GALNT13: variants seen among roughly 807,000 people sequenced by gnomAD.
The protein encoded by GALNT13 is polypeptide N-acetylgalactosaminyltransferase 13, also known as UDP-GalNAc:polypeptide N-acetylgalactosaminyltransferase 13.
In GALNT13, 28 loss-of-function variants were observed where a neutral mutation model predicts 64.2. The observed-to-expected ratio is 0.44, with a 90% confidence interval of 0.32 to 0.60. The LOEUF is 0.60. Ranked by LOEUF, GALNT13 falls within the 20% of genes least tolerant of loss-of-function variation. GALNT13 has a pLI of 0.05. For missense variants in GALNT13, 577 were observed against 669.8 expected (o/e 0.86, Z 1.53); for synonymous variants, 214 against 224.6 (o/e 0.95, Z 0.42).
At chr2:154,384,786 A>G (rs987526954) in intron 9 of GALNT13, among the ~76,000 whole-genome samples, 1 of 151,934 alleles carries the variant, frequency 6.6e-6, no homozygotes, top group African/African-American at 2.4e-5. Context: ...TCTTAAAATC[A>G]TGATTCAGTA....
At position 153,944,474 on chromosome 2, in the gene GALNT13, G is replaced by A. The variant is rs1469053760; in HGVS notation, c.-24G>A. On this transcript the variant is annotated 5_prime_UTR_variant, in exon 3 of 13. Transcript: ENST00000392825. The stretch of plus-strand genomic sequence containing the variant: ...AGTAGCATTTGTCTTCAATCTGTGT[G>A]TTAACTAGAAATCAAGGAAAGACAT... 4 of 1,608,150 alleles carry A rather than the reference G, an allele frequency of 2.5e-6. No homozygotes were observed. The South Asian group carries it at 3.3e-5, about 13-fold the overall frequency.
chr2:154,136,447 A>G (rs1237428179), intron 3 of GALNT13, among the ~76,000 whole-genome samples: 1 of 151,992 alleles, frequency 6.6e-6, no homozygotes, highest in Non-Finnish European at 1.5e-5. Context: ...CTCTTTTTTC[A>G]AAGAGACACT....
chr2:153,624,076 T>G, the GALNT13 span, among the ~76,000 whole-genome samples: 7 of 151,618 alleles, frequency 4.6e-5, no homozygotes, highest in African/African-American at 1.7e-4. Flanking sequence ...AGGGAGTTGG[T>G]TATGAGAGTG....
At chr2:154,018,434 G>A (rs954899398) in intron 3 of GALNT13, among the ~76,000 whole-genome samples, 1 of 152,166 alleles carries the variant, frequency 6.6e-6, no homozygotes, top group African/African-American at 2.4e-5. Flanking sequence ...ATAGATATCA[G>A]TCTCTGCGGT....
chr2:154,090,111 A>G (rs1012172882), intron 3 of GALNT13, among the ~76,000 whole-genome samples: 1 of 152,128 alleles, frequency 6.6e-6, no homozygotes, highest in African/African-American at 2.4e-5. Flanking sequence ...ATGTGAGTAC[A>G]TAATATCATT....
At chr2:153,451,473 C>G in the GALNT13 span, among the ~76,000 whole-genome samples, 1 of 152,122 alleles carries the variant, frequency 6.6e-6, no homozygotes. Flanking sequence ...TACTGCTCTC[C>G]CCCAAGTGCA....
chr2:153,797,202 A>G, the GALNT13 span, among the ~76,000 whole-genome samples: 2 of 152,212 alleles, frequency 1.3e-5, no homozygotes, highest in Non-Finnish European at 2.9e-5. Flanking sequence ...TGTGTCATGG[A>G]CAGAGGCTTT....
the GALNT13 span, among the ~76,000 whole-genome samples, chr2:153,811,368 A>G: frequency 3.9e-5 from 6 of 152,198 alleles, no homozygotes; most frequent in Admixed American, 1.3e-4. Context: ...GGGAATTAAA[A>G]CACTGATTAG....
the GALNT13 span, among the ~76,000 whole-genome samples, chr2:153,273,763 C>T: frequency 6.6e-6 from 1 of 152,078 alleles, no homozygotes; most frequent in African/African-American, 2.4e-5. Flanking sequence ...TAGTTGTCTC[C>T]ACTGGAGAAC....
chr2:153,794,200 A>T, the GALNT13 span, among the ~76,000 whole-genome samples: 1 of 152,200 alleles, frequency 6.6e-6, no homozygotes, highest in Non-Finnish European at 1.5e-5. Flanking sequence ...TTTAAATTAA[A>T]CTTCACCTAA....
chr2:154,200,264 C>A (rs373134804), intron 4 of GALNT13, among the ~76,000 whole-genome samples: 1 of 151,714 alleles, frequency 6.6e-6, no homozygotes, highest in South Asian at 2.1e-4. Context: ...TTATCTCTTT[C>A]GAGATAAGAA....
At chr2:153,916,516 A>T (rs540821598) in intron 2 of GALNT13, among the ~76,000 whole-genome samples, 1 of 72,608 alleles carries the variant, frequency 1.4e-5, no homozygotes. Flanking sequence ...TTCTAACATC[A>T]TACAGAACTA....
chr2:153,760,331 T>C, the GALNT13 span, among the ~76,000 whole-genome samples: 8 of 151,928 alleles, frequency 5.3e-5, no homozygotes, highest in Non-Finnish European at 1.0e-4. Flanking sequence ...GGCTTAATTT[T>C]TTCTTCTTTT....
the GALNT13 span, among the ~76,000 whole-genome samples, chr2:153,682,200 T>C: frequency 6.6e-6 from 1 of 151,852 alleles, no homozygotes; most frequent in African/African-American, 2.4e-5. Context: ...TTTGCTCTTC[T>C]GTCATATTTA....
chr2:153,430,247 C>T, the GALNT13 span, among the ~76,000 whole-genome samples: 1 of 151,216 alleles, frequency 6.6e-6, no homozygotes, highest in Non-Finnish European at 1.5e-5. Context: ...GCATAATTTT[C>T]AAAATAAATA....
chr2:153,462,905 T>A, the GALNT13 span, among the ~76,000 whole-genome samples: 1 of 152,148 alleles, frequency 6.6e-6, no homozygotes, highest in South Asian at 2.1e-4. Flanking sequence ...AGTAGCTGTA[T>A]CTTTTCATAG....
chr2:154,128,501 A>G (rs1194857367), intron 3 of GALNT13, among the ~76,000 whole-genome samples: 2 of 152,088 alleles, frequency 1.3e-5, no homozygotes, highest in African/African-American at 4.8e-5. Flanking sequence ...AGGCAATGAA[A>G]AACGCAAAAC....
the GALNT13 span, among the ~76,000 whole-genome samples, chr2:153,191,750 G>T: frequency 2.0e-5 from 3 of 149,864 alleles, no homozygotes; most frequent in South Asian, 2.1e-4. Flanking sequence ...ACTTGTTATT[G>T]GTTGTTCCGG....
intron 7 of GALNT13, among the ~76,000 whole-genome samples, chr2:154,254,570 C>G (rs777747925): frequency 4.7e-5 from 7 of 150,344 alleles, no homozygotes; most frequent in Non-Finnish European, 7.4e-5. Context: ...AGAGATGAGT[C>G]AAAAATACTT....
Sources: allele counts gnomAD v4.1 joint callset (sites outside exome capture counted in the v4.1 genomes callset), GRCh38; gene constraint gnomAD v4.1.1; transcripts MANE v1.5; gene names NCBI Gene and HGNC (gene_info 2026-07-23, HGNC 2026-07-21).